The following SBF2 variants were observed in gnomAD, a reference collection of about 807,000 sequenced individuals.
The protein encoded by SBF2 is SET binding factor 2.
A neutral mutation model predicts 225.2 loss-of-function variants in SBF2; 112 were observed. The ratio of observed to expected loss-of-function variants is 0.50; its 90% confidence interval spans 0.43 to 0.58. SBF2 has a LOEUF of 0.58. Among genes scored for constraint, SBF2 ranks in the 20% least tolerant of loss-of-function variants. The pLI is 0.00. For missense variants in SBF2, 1,996 were observed against 2,206.2 expected (o/e 0.90, Z 1.91); for synonymous variants, 763 against 773.3 (o/e 0.99, Z 0.22).
intron 1 of SBF2, among the ~76,000 whole-genome samples, chr11:10,194,439 G>C (rs916884888): frequency 6.6e-6 from 1 of 152,074 alleles, no homozygotes; most frequent in Admixed American, 6.5e-5. Context: ...TTTAGTATCC[G>C]TGAGGGTTCT....
At chr11:10,145,306 G>A (rs59505179) in intron 2 of SBF2, among the ~76,000 whole-genome samples, 2,266 of 152,046 alleles carry the variant, frequency 0.015, 46 homozygotes, top group African/African-American at 0.039. Flanking sequence ...AGACCTCAGA[G>A]TAGTCAGACT....
chr11:10,020,735 A>C (rs1368849570), intron 6 of SBF2, among the ~76,000 whole-genome samples: 1 of 152,142 alleles, frequency 6.6e-6, no homozygotes, highest in Non-Finnish European at 1.5e-5. Flanking sequence ...CACAGAGAGA[A>C]GTTTTTCCAG....
intron 1 of SBF2, among the ~76,000 whole-genome samples, chr11:10,254,274 G>A (rs922733956): frequency 2.9e-4 from 44 of 151,690 alleles, no homozygotes; most frequent in African/African-American, 1.1e-3. Flanking sequence ...TGTGACTGTG[G>A]TCCCAGCTAC....
chr11:10,176,757 G>C (rs571843293), intron 2 of SBF2, among the ~76,000 whole-genome samples: 1 of 152,136 alleles, frequency 6.6e-6, no homozygotes, highest in Non-Finnish European at 1.5e-5. Context: ...AATTGTACCA[G>C]AGGTACAAGA....
chr11:10,105,466 ATCTTACTAAATAGAT>A (rs1952506583), intron 2 of SBF2, among the ~76,000 whole-genome samples: 1 of 152,186 alleles, frequency 6.6e-6, no homozygotes, highest in African/African-American at 2.4e-5. Context: ...CACCACTATA[ATCTTACTAAATAGAT>A]TAAGTAAATG....
At chr11:10,028,656 A>T (rs1268601915) in intron 5 of SBF2, 99 bp from the exon 6 acceptor site, 3 of 811,178 alleles carry the variant, frequency 3.7e-6, no homozygotes, top group African/African-American at 1.7e-5. Context: ...GCAAACGACC[A>T]TGTAAGATCC....
intron 2 of SBF2, among the ~76,000 whole-genome samples, chr11:10,091,328 G>C (rs1437584942): frequency 2.0e-5 from 3 of 152,134 alleles, no homozygotes; most frequent in African/African-American, 4.8e-5. Flanking sequence ...AGAAACATCA[G>C]TTCTCTACTT....
intron 1 of SBF2, among the ~76,000 whole-genome samples, chr11:10,259,242 A>C (rs1331100041): frequency 6.6e-6 from 1 of 152,202 alleles, no homozygotes; most frequent in African/African-American, 2.4e-5. Flanking sequence ...TTAAGCCCAC[A>C]TCTTTTATTG....
chr11:9,844,050 CAT>C (rs1856365818), intron 24 of SBF2, among the ~76,000 whole-genome samples: 1 of 152,272 alleles, frequency 6.6e-6, no homozygotes, highest in East Asian at 1.9e-4. Context: ...TATAAATATA[CAT>C]GTTTCTGATA....
chr11:10,261,740 A>G (rs753352704), intron 1 of SBF2, among the ~76,000 whole-genome samples: 1 of 152,230 alleles, frequency 6.6e-6, no homozygotes. Flanking sequence ...TCATCAATAG[A>G]ATGGATATGC....
chr11:10,057,594 A>C (rs1298138109), intron 2 of SBF2, among the ~76,000 whole-genome samples: 1 of 152,188 alleles, frequency 6.6e-6, no homozygotes, highest in Non-Finnish European at 1.5e-5. Flanking sequence ...CCAGGAGTCA[A>C]GCAAATGACC....
At chr11:10,223,492 A>G (rs1000576428) in intron 1 of SBF2, among the ~76,000 whole-genome samples, 6 of 146,364 alleles carry the variant, frequency 4.1e-5, no homozygotes, top group African/African-American at 1.3e-4. Context: ...TTTTAAAATC[A>G]TAAGGGAGAG....
rs149282460 is a variant in SBF2 at position 10,225,292 on chromosome 11, A to G, written c.56-31305T>C. Among the ~76,000 whole-genome samples, 631 of 152,204 alleles carry G rather than the reference A, an allele frequency of 4.1e-3. 5 individuals are homozygous for G. The highest frequency in any genetic ancestry group is 0.014 in the African/African-American group (600 of 41,542). ...TTGGTATTTAACTGTTTCAACAAAC[A>G]AAAATAAAAACACTTCTTCTTTAAA... On this transcript the variant is annotated intron_variant, in intron 1 of 39. Coordinates refer to ENST00000256190, the MANE Select transcript of SBF2 (RefSeq NM_030962.4).
intron 2 of SBF2, among the ~76,000 whole-genome samples, chr11:10,113,247 A>G (rs7125593): frequency 0.48 from 72,417 of 151,980 alleles, 17,572 homozygotes; most frequent in Admixed American, 0.57. Context: ...TCCGAAATCA[A>G]TCTCCCAAAG....
chr11:9,881,110 T>C (rs751701540), intron 17 of SBF2, among the ~76,000 whole-genome samples: 1 of 152,194 alleles, frequency 6.6e-6, no homozygotes, highest in Non-Finnish European at 1.5e-5. Flanking sequence ...TTTTATAGCA[T>C]AAAAAGGCAT....
chr11:10,304,425 T>C (rs1964629014), intron 1 of SBF2, among the ~76,000 whole-genome samples: 1 of 152,228 alleles, frequency 6.6e-6, no homozygotes, highest in African/African-American at 2.4e-5. Flanking sequence ...TTTCAGATAA[T>C]TCCCCCCTCC....
At chr11:9,915,906 A>T (rs1863045015) in intron 16 of SBF2, among the ~76,000 whole-genome samples, 1 of 152,160 alleles carries the variant, frequency 6.6e-6, no homozygotes, top group Non-Finnish European at 1.5e-5. Flanking sequence ...TCTACTAAAA[A>T]TACAAAAATT....
chr11:10,078,589 T>C (rs1254568849), intron 2 of SBF2, among the ~76,000 whole-genome samples: 2 of 143,242 alleles, frequency 1.4e-5, no homozygotes, highest in Non-Finnish European at 3.0e-5. Flanking sequence ...TGAGAACACA[T>C]GGACACAGGG....
At chr11:9,781,700 C>G (rs1852019821) in intron 38 of SBF2, 62 bp from the exon 39 acceptor site, 17 of 1,595,428 alleles carry the variant, frequency 1.1e-5, no homozygotes, top group Non-Finnish European at 1.4e-5. Flanking sequence ...CATGGCTTTT[C>G]AAACTGCATT....
Sources: gnomAD v4.1 joint callset for allele counts (sites outside exome capture counted in the v4.1 genomes callset) on GRCh38, gnomAD v4.1.1 for gene constraint, MANE v1.5 for transcripts, NCBI Gene and HGNC (gene_info 2026-07-23, HGNC 2026-07-21) for gene names.